Variants in GUCY1A1 observed in about 807,000 individuals in gnomAD.
GUCY1A1 encodes the protein guanylate cyclase soluble subunit alpha-1.
A neutral mutation model predicts 64.5 loss-of-function variants in GUCY1A1; 48 were observed. The ratio of observed to expected loss-of-function variants is 0.74; its 90% CI spans 0.59 to 0.95. The LOEUF (loss-of-function observed/expected upper bound fraction) is 0.95. Ranked by LOEUF, GUCY1A1 falls within the 40% of genes least tolerant of loss-of-function variation. The pLI is 0.00. For missense variants in GUCY1A1, 804 were observed against 825.3 expected, an observed-to-expected ratio of 0.97 and a Z score of 0.32; for synonymous variants, 308 against 303.4, an observed-to-expected ratio of 1.02 and a Z score of -0.16.
chr4:155,729,197 T>C (rs1033732365), intron 9 of GUCY1A1, among the ~76,000 whole-genome samples: 14 of 151,952 alleles, frequency 9.2e-5, no homozygotes, highest in Middle Eastern at 3.4e-3. Flanking sequence ...AATGCTTTTC[T>C]GTAGAAATTG....
chr4:155,720,266 A>G (rs1733784866), intron 8 of GUCY1A1, among the ~76,000 whole-genome samples: 1 of 152,128 alleles, frequency 6.6e-6, no homozygotes, highest in Admixed American at 6.6e-5. Flanking sequence ...AAGAGTGCTC[A>G]CAGAAAGCAA....
intron 7 of GUCY1A1, among the ~76,000 whole-genome samples, chr4:155,716,808 A>T (rs1054142715): frequency 1.3e-5 from 2 of 152,168 alleles, no homozygotes; most frequent in African/African-American, 4.8e-5. Flanking sequence ...ATCTTTAAAC[A>T]ATTTATTATA....
At chr4:155,686,551 G>A (rs6821428) in intron 2 of GUCY1A1, among the ~76,000 whole-genome samples, 147,894 of 152,356 alleles carry the variant, frequency 0.97, 71,942 homozygotes, top group East Asian at 1. Context: ...ATTAGAGACA[G>A]GATTCCTTGT....
At chr4:155,710,429 A>T (rs1277990077) in intron 5 of GUCY1A1, 113 bp from the exon 6 acceptor site, 87 of 653,792 alleles carry the variant, frequency 1.3e-4, no homozygotes, top group Non-Finnish European at 3.8e-5. Context: ...TGTTATTAGC[A>T]GATATAAAGG....
chr4:155,696,968 C>A lies in GUCY1A1; in HGVS notation c.101C>A (p.Ala34Glu), dbSNP rs1730496827. 2.5e-6 allele frequency: 4 copies of A among 1,612,880 alleles called. No individual in the cohort carries two copies. Among genetic ancestry groups the A allele is most frequent in the South Asian group, 1.1e-5 (1 of 91,064 alleles). The change falls in exon 3 of 10, where the codon GCA becomes GAA. Residue 34 changes from alanine to glutamate, a missense_variant. Transcript: ENST00000506455. ...CCTAACGAGTCTTCAGAGGAGGCAG[C>A]AGGAAGCTCAGAGAGCTGCAAAGCA... is the stretch of plus-strand genomic sequence containing the variant. ...QVPNESSEEAAGSSESCKATV... is the reference protein window; with the variant it reads ...QVPNESSEEAEGSSESCKATV...
At chr4:155,698,941 C>A (rs1435055353) in intron 3 of GUCY1A1, among the ~76,000 whole-genome samples, 1 of 152,068 alleles carries the variant, frequency 6.6e-6, no homozygotes, top group Non-Finnish European at 1.5e-5. Context: ...ACATTTTGCT[C>A]ATGCATAGTT....
chr4:155,680,348 T>C (rs1735551432), intron 2 of GUCY1A1, among the ~76,000 whole-genome samples: 1 of 152,224 alleles, frequency 6.6e-6, no homozygotes, highest in Non-Finnish European at 1.5e-5. Context: ...ACAGAAGTTA[T>C]AATGGAATTT....
intron 9 of GUCY1A1, 83 bp downstream of exon 9, chr4:155,722,275 T>G: frequency 6.6e-7 from 1 of 1,520,692 alleles, no homozygotes; most frequent in Non-Finnish European, 8.8e-7. Context: ...GATTCATTCT[T>G]CATAACTTTT....
At position 155,674,278 on chromosome 4, in the gene GUCY1A1, C is replaced by A. The variant is rs537664873; in HGVS notation, c.-113+6859C>A. On this transcript the variant is annotated intron_variant, in intron 2 of 9. Transcript: ENST00000506455. The stretch of plus-strand genomic sequence containing the variant: ...GCTGACGCAGAGAATTGCTTGAACC[C>A]AGGAGGTGGAGTTTGCAGTGAGCCA... Among the ~76,000 whole-genome samples, 93 of 151,150 alleles carry A rather than the reference C, an allele frequency of 6.2e-4. 5 individuals carry two copies. The highest frequency in any genetic ancestry group is 2.2e-3 in the African/African-American group (90 of 40,584).
rs1736067417 is a variant in GUCY1A1, at chr4:155,736,470, C to T, written c.*6239C>T. 6.6e-6 allele frequency: 1 copy of T among 151,920 alleles called. No homozygotes were observed. Among genetic ancestry groups the T allele is most frequent in the Non-Finnish European group, 1.5e-5 (1 of 67,928 alleles). 9.4% of individuals were successfully genotyped at this position (151,920 alleles called of 1,614,324 possible). Reference sequence around the variant, plus strand: ...ACTCCTAGACCACCCTAGTGAAGTACCATAGACCATATTGTCTAGATGGGA... The same window carrying T: ...ACTCCTAGACCACCCTAGTGAAGTATCATAGACCATATTGTCTAGATGGGA... On this transcript the variant is annotated 3_prime_UTR_variant, in exon 10 of 10. Coordinates refer to ENST00000506455, the MANE Select transcript of GUCY1A1 (RefSeq NM_001130682.3).
intron 2 of GUCY1A1, among the ~76,000 whole-genome samples, chr4:155,674,297 T>C (rs1734574211): frequency 6.7e-6 from 1 of 150,374 alleles, no homozygotes; most frequent in Admixed American, 6.6e-5. Flanking sequence ...GAGTTTGCAG[T>C]GAGCCAAGAT....
chr4:155,719,105 A>G (rs1055713928), intron 8 of GUCY1A1, among the ~76,000 whole-genome samples: 2 of 151,976 alleles, frequency 1.3e-5, no homozygotes, highest in Non-Finnish European at 1.5e-5. Flanking sequence ...GGGGTGGGGG[A>G]ATTTATGGCA....
At chr4:155,702,334 C>T (rs979217756) in intron 3 of GUCY1A1, among the ~76,000 whole-genome samples, 2 of 151,368 alleles carry the variant, frequency 1.3e-5, no homozygotes, top group South Asian at 4.1e-4. Flanking sequence ...CACATTGATA[C>T]TCTGTTAACT....
intron 2 of GUCY1A1, among the ~76,000 whole-genome samples, chr4:155,674,680 C>A (rs1232079458): frequency 6.6e-6 from 1 of 151,482 alleles, no homozygotes; most frequent in Non-Finnish European, 1.5e-5. Context: ...ACTGGAAGAT[C>A]TTTAGGGACA....
chr4:155,703,665 A>C (rs553677665), intron 3 of GUCY1A1, among the ~76,000 whole-genome samples: 2 of 152,278 alleles, frequency 1.3e-5, no homozygotes, highest in South Asian at 2.1e-4. Context: ...GCTGTCAGTG[A>C]GACCACCACC....
intron 9 of GUCY1A1, among the ~76,000 whole-genome samples, chr4:155,725,851 A>G (rs2126982223): frequency 6.6e-6 from 1 of 152,176 alleles, no homozygotes; most frequent in South Asian, 2.1e-4. Context: ...AAATGCACAT[A>G]TAGGTTTTTA....
intron 2 of GUCY1A1, among the ~76,000 whole-genome samples, chr4:155,668,956 A>G (rs1183623962): frequency 6.6e-6 from 1 of 152,198 alleles, no homozygotes; most frequent in African/African-American, 2.4e-5. Context: ...TAAGGGAGAT[A>G]GTACATAGTC....
At chr4:155,683,055 C>A (rs191971801) in intron 2 of GUCY1A1, among the ~76,000 whole-genome samples, 200 of 152,136 alleles carry the variant, frequency 1.3e-3, no homozygotes, top group African/African-American at 4.6e-3. Context: ...ATAAGGCAGT[C>A]AAGTATAGAA....
chr4:155,688,544 G>A (rs1729317338), intron 2 of GUCY1A1, among the ~76,000 whole-genome samples: 1 of 152,156 alleles, frequency 6.6e-6, no homozygotes, highest in African/African-American at 2.4e-5. Context: ...TGTACTCTGT[G>A]GAGTCTCAGA....
Sources: gnomAD v4.1 joint callset for allele counts (sites outside exome capture counted in the v4.1 genomes callset) on GRCh38, gnomAD v4.1.1 for gene constraint, MANE v1.5 for transcripts, NCBI Gene and HGNC (gene_info 2026-07-23, HGNC 2026-07-21) for gene names.